Variants in TBC1D5 observed in about 807,000 individuals in gnomAD.
TBC1D5 encodes TBC1 domain family, member 5.
Under a neutral mutation model 100.3 loss-of-function variants are expected in TBC1D5, and 75 were observed. The observed-to-expected ratio is 0.75, with a 90% CI of 0.62 to 0.91. TBC1D5 has a LOEUF of 0.91. Ranked by LOEUF, TBC1D5 falls within the 40% of genes least tolerant of loss-of-function variation. TBC1D5 has a pLI of 0.00. For missense variants in TBC1D5, 910 were observed against 942.4 expected (o/e 0.97, Z 0.45); for synonymous variants, 323 against 325.6 (o/e 0.99, Z 0.09).
intron 1 of TBC1D5, among the ~76,000 whole-genome samples, chr3:17,693,835 G>A (rs562229468): frequency 7.9e-5 from 12 of 152,272 alleles, no homozygotes; most frequent in East Asian, 1.9e-4. Context: ...AATAGGGGCC[G>A]ACAGACACCT....
At chr3:17,182,949 C>T (rs996187411) in intron 19 of TBC1D5, among the ~76,000 whole-genome samples, 1 of 151,946 alleles carries the variant, frequency 6.6e-6, no homozygotes. Flanking sequence ...GCTCTTTAAA[C>T]GCAATCTTTA....
At chr3:17,729,503 C>T (rs535008242) in intron 1 of TBC1D5, among the ~76,000 whole-genome samples, 17 of 151,434 alleles carry the variant, frequency 1.1e-4, no homozygotes, top group South Asian at 2.1e-4. Context: ...GTCAGGAGAT[C>T]GAGACCATCT....
intron 3 of TBC1D5, among the ~76,000 whole-genome samples, chr3:17,457,001 G>C (rs1463137171): frequency 6.6e-6 from 1 of 151,900 alleles, no homozygotes; most frequent in East Asian, 1.9e-4. Context: ...TGAGAATGTA[G>C]AGTGACTTTC....
At chr3:17,252,300 C>A (rs943988759) in intron 16 of TBC1D5, among the ~76,000 whole-genome samples, 8 of 152,096 alleles carry the variant, frequency 5.3e-5, no homozygotes, top group African/African-American at 1.9e-4. Flanking sequence ...TGGAAGAAAC[C>A]AAGATTAGTT....
At chr3:17,626,330 C>T (rs2063056242) in intron 1 of TBC1D5, among the ~76,000 whole-genome samples, 1 of 152,116 alleles carries the variant, frequency 6.6e-6, no homozygotes, top group Admixed American at 6.6e-5. Context: ...TGAGTCCATA[C>T]CTTTCTTGTT....
chr3:17,336,677 C>T (rs181294628), intron 13 of TBC1D5, among the ~76,000 whole-genome samples: 3 of 150,848 alleles, frequency 2.0e-5, no homozygotes, highest in African/African-American at 7.3e-5. Flanking sequence ...AATTGTGTCA[C>T]AGTGTAATCC....
intron 16 of TBC1D5, among the ~76,000 whole-genome samples, chr3:17,245,527 G>C (rs148140953): frequency 6.6e-6 from 1 of 152,226 alleles, no homozygotes; most frequent in South Asian, 2.1e-4. Context: ...GCAAACTTTC[G>C]TCTATATGAT....
intron 17 of TBC1D5, 82 bp from the exon 19 acceptor site, chr3:17,214,452 G>T: frequency 1.5e-6 from 2 of 1,358,732 alleles, no homozygotes; most frequent in South Asian, 1.3e-5. Context: ...AATAAATGAT[G>T]ATCAATTATG....
At chr3:17,295,506 G>A (rs996135667) in intron 14 of TBC1D5, among the ~76,000 whole-genome samples, 4 of 152,164 alleles carry the variant, frequency 2.6e-5, no homozygotes, top group Non-Finnish European at 5.9e-5. Context: ...TGAAGAGATG[G>A]TTTACTTTCT....
At chr3:17,248,022 C>T (rs1019180903) in intron 16 of TBC1D5, among the ~76,000 whole-genome samples, 2 of 149,814 alleles carry the variant, frequency 1.3e-5, no homozygotes, top group East Asian at 1.9e-4. Flanking sequence ...AACAGAGTCT[C>T]GCTCTGTCAC....
chr3:17,526,425 G>A (rs563238836), intron 2 of TBC1D5, among the ~76,000 whole-genome samples: 2 of 152,088 alleles, frequency 1.3e-5, no homozygotes, highest in East Asian at 3.9e-4. Context: ...TCCCTATTTT[G>A]CCCAGGCTGA....
intron 15 of TBC1D5, among the ~76,000 whole-genome samples, chr3:17,262,546 A>G (rs1454631127): frequency 7.2e-6 from 1 of 139,566 alleles, no homozygotes; most frequent in African/African-American, 2.7e-5. Context: ...CAGTGGCGCG[A>G]TCTCGGCTCA....
intron 17 of TBC1D5, 77 bp downstream of exon 17, chr3:17,238,086 G>A (rs2076010452): frequency 4.6e-6 from 7 of 1,519,468 alleles, no homozygotes; most frequent in Non-Finnish European, 5.3e-6. Context: ...TAGGAGATTG[G>A]TTCCTCACAG....
chr3:17,283,658 A>G (rs1165346853), intron 15 of TBC1D5, among the ~76,000 whole-genome samples: 1 of 152,102 alleles, frequency 6.6e-6, no homozygotes, highest in Non-Finnish European at 1.5e-5. Flanking sequence ...TAAGAGCAAA[A>G]GTAGTTTATA....
chr3:17,405,587 C>T (rs2093750459), intron 5 of TBC1D5, among the ~76,000 whole-genome samples: 1 of 151,954 alleles, frequency 6.6e-6, no homozygotes. Flanking sequence ...TAAAAGTTAA[C>T]AGGGAATGGG....
exon 21 of TBC1D5, chr3:17,166,851 A>C (rs868403935): frequency 1.2e-6 from 2 of 1,614,198 alleles, no homozygotes; most frequent in African/African-American, 2.7e-5. Flanking sequence ...GGTTGTCCGC[A>C]ATGGTGATCT....
intron 3 of TBC1D5, among the ~76,000 whole-genome samples, chr3:17,459,159 T>A (rs2095152197): frequency 6.6e-6 from 1 of 152,204 alleles, no homozygotes. Context: ...AGATAAAGAC[T>A]TTATACCTTA....
At chr3:17,595,473 T>C (rs2060503364) in intron 2 of TBC1D5, among the ~76,000 whole-genome samples, 1 of 152,170 alleles carries the variant, frequency 6.6e-6, no homozygotes, top group African/African-American at 2.4e-5. Flanking sequence ...CTAAAATTGG[T>C]TAACTCCATG....
At chr3:17,676,129 A>C (rs2068596807) in intron 1 of TBC1D5, among the ~76,000 whole-genome samples, 1 of 152,164 alleles carries the variant, frequency 6.6e-6, no homozygotes, top group Admixed American at 6.5e-5. Context: ...ATTTTACTAA[A>C]AGAAATAAAT....
Sources: allele counts gnomAD v4.1 joint callset (sites outside exome capture counted in the v4.1 genomes callset), GRCh38; gene constraint gnomAD v4.1.1; transcripts MANE v1.5; gene names NCBI Gene and HGNC (gene_info 2026-07-23, HGNC 2026-07-21).